SMARCA5: variants seen among roughly 807,000 people sequenced by gnomAD.
SMARCA5 encodes SWI/SNF-related matrix-associated actin-dependent regulator of chromatin subfamily A member 5.
Under a neutral mutation model 140.4 loss-of-function variants are expected in SMARCA5, and 18 were observed. That is an observed-to-expected ratio of 0.13 (90% CI 0.09 to 0.19). The LOEUF is 0.19. Among genes scored for constraint, SMARCA5 ranks in the 10% least tolerant of loss-of-function variants. The probability of loss-of-function intolerance (pLI) is 1.00; values close to 1 mark genes in which losing one functional copy is unlikely to be tolerated. For missense variants in SMARCA5, 606 were observed against 1,276.8 expected, an observed-to-expected ratio of 0.47 and a Z score of 8.01; for synonymous variants, 449 against 419.6, an observed-to-expected ratio of 1.07 and a Z score of -0.86.
chr4:143,516,976 T>C (rs908828704), intron 1 of SMARCA5, among the ~76,000 whole-genome samples: 1 of 152,230 alleles, frequency 6.6e-6, no homozygotes, highest in African/African-American at 2.4e-5. Context: ...CAGTAGATAC[T>C]GTAGTTTTAT....
chr4:143,518,319 G>C (rs1198001728), intron 2 of SMARCA5, among the ~76,000 whole-genome samples: 1 of 152,122 alleles, frequency 6.6e-6, no homozygotes, highest in Non-Finnish European at 1.5e-5. Flanking sequence ...GGCTAACAGT[G>C]AATGTTTACT....
intron 7 of SMARCA5, 144 bp from the exon 8 acceptor site, chr4:143,528,439 G>C: frequency 1.6e-6 from 1 of 615,668 alleles, no homozygotes. Context: ...TTATGGCTGC[G>C]TACTATTCGC....
intron 23 of SMARCA5, among the ~76,000 whole-genome samples, chr4:143,552,815 CAAG>C (rs1431958770): frequency 6.6e-6 from 1 of 151,930 alleles, no homozygotes; most frequent in African/African-American, 2.4e-5. Flanking sequence ...TTTAAAAACT[CAAG>C]TGTTTCTTAC....
At chr4:143,545,173 C>A (rs946237086) in intron 17 of SMARCA5, among the ~76,000 whole-genome samples, 5 of 152,112 alleles carry the variant, frequency 3.3e-5, no homozygotes, top group Non-Finnish European at 7.4e-5. Context: ...GATCTCTTGA[C>A]CTCATGATCC....
At chr4:143,551,364 G>A (rs1383774646) in intron 23 of SMARCA5, among the ~76,000 whole-genome samples, 1 of 152,058 alleles carries the variant, frequency 6.6e-6, no homozygotes, top group Non-Finnish European at 1.5e-5. Context: ...TCTGTGGGAT[G>A]TCTCTTCACT....
At chr4:143,528,055 A>T (rs763528438) in intron 7 of SMARCA5, 32 bp downstream of exon 7, 4 of 1,501,638 alleles carry the variant, frequency 2.7e-6, no homozygotes, top group Middle Eastern at 2.1e-4. Context: ...AAAAGCCTTC[A>T]TGTAAGAATT....
chr4:143,524,371 C>A lies in SMARCA5; in HGVS notation c.424C>A (p.Arg142=). The change falls in exon 4 of 24, where the codon CGA becomes AGA. Residue 142 remains arginine (R), a synonymous_variant. Coordinates refer to ENST00000283131, the MANE Select transcript of SMARCA5 (RefSeq NM_003601.4). ...KQNLLSVGDY[R]HRRTEQEEDE... Reference sequence around the variant, plus strand: ...ATTTTATTTTCATCTTAACAGTTACCGACACCGTAGAACAGAGCAAGAGGA... The same window carrying A: ...ATTTTATTTTCATCTTAACAGTTACAGACACCGTAGAACAGAGCAAGAGGA... 6.3e-7 allele frequency: 1 copy of A among 1,596,450 alleles called. No homozygotes were observed. Among genetic ancestry groups the A allele is most frequent in the Non-Finnish European group, 8.5e-7 (1 of 1,171,772 alleles).
chr4:143,547,504 G>A lies in SMARCA5; in HGVS notation c.2772+1G>A. 1 of 1,508,042 alleles carries A rather than the reference G, an allele frequency of 6.6e-7. No individual in the cohort carries two copies. The allele number at this position is 1,508,042 out of a possible 1,614,324, so 93.4% of individuals were successfully genotyped here. A position where few individuals can be genotyped will look rare whatever the true frequency, so the allele number is the denominator to read the frequency against. On this transcript the variant is annotated splice_donor_variant, in intron 21 of 23. Transcript: ENST00000283131. LOFTEE classifies it high-confidence loss of function. Reference sequence around the variant, plus strand: ...CATCAAGAAAGCACTTGACACAAAGGTAATTTGCTTGTTAATAAGTTAGGT... The same window carrying A: ...CATCAAGAAAGCACTTGACACAAAGATAATTTGCTTGTTAATAAGTTAGGT...
Position 143,555,405 on chromosome 4 carries a change from C to G in SMARCA5, c.*2221C>G, listed in dbSNP as rs946617783. On this transcript the variant is annotated 3_prime_UTR_variant, in exon 24 of 24. Transcript: ENST00000283131. ...TGGCTGCCACCAAAGCCACCACGAT[C>G]ACAGAACTTGATGACTGTATTTGTG... The G allele has an allele frequency of 1.4e-5, 9 of 662,910 alleles. No homozygotes were observed. Among genetic ancestry groups the G allele is most frequent in the Non-Finnish European group, 2.5e-5 (9 of 356,774 alleles). The allele number at this position is 662,910 out of a possible 1,614,324, so 41.1% of individuals were successfully genotyped here.
Position 143,543,567 on chromosome 4 carries a change from T to C in SMARCA5, c.1962T>C (p.Ile654=), listed in dbSNP as rs1737470483. The C allele has an allele frequency of 6.2e-7, 1 of 1,612,370 alleles. No homozygotes were observed. The highest frequency in any genetic ancestry group is 8.5e-7 in the Non-Finnish European group (1 of 1,178,654). The change falls in exon 15 of 24, where the codon ATT becomes ATC. Residue 654 remains isoleucine (I), a synonymous_variant. Coordinates refer to ENST00000283131, the MANE Select transcript of SMARCA5 (RefSeq NM_003601.4). The part of the protein sequence containing the change: ...KIGKDEMLQM[I]RHGATHVFAS... The stretch of plus-strand genomic sequence containing the variant: ...GGAAAGATGAAATGCTTCAAATGAT[T>C]AGACATGGAGCAACACATGTGTTTG...
chr4:143,544,458 T>C, intron 16 of SMARCA5: 1 of 244,350 alleles, frequency 4.1e-6, no homozygotes, highest in Non-Finnish European at 7.8e-6. Flanking sequence ...TACATTTTTC[T>C]CCTAGTTTAG....
At chr4:143,533,840 A>G (rs893012568) in intron 9 of SMARCA5, among the ~76,000 whole-genome samples, 5 of 152,318 alleles carry the variant, frequency 3.3e-5, no homozygotes, top group African/African-American at 1.2e-4. Flanking sequence ...AAAGGCAGCA[A>G]ATTGTTGAAA....
chr4:143,541,645 T>TA (rs1342063242), intron 14 of SMARCA5, among the ~76,000 whole-genome samples: 7 of 152,176 alleles, frequency 4.6e-5, no homozygotes, highest in Admixed American at 1.3e-4. Flanking sequence ...TCATTGTACA[T>TA]ACAGCTGGGA....
intron 2 of SMARCA5, among the ~76,000 whole-genome samples, chr4:143,519,520 T>C (rs1017794781): frequency 6.6e-6 from 1 of 152,118 alleles, no homozygotes; most frequent in Admixed American, 6.5e-5. Context: ...TCTACAATGC[T>C]TTTCATTTTC....
intron 5 of SMARCA5, 33 bp downstream of exon 5, chr4:143,525,584 T>C: frequency 7.3e-7 from 1 of 1,368,994 alleles, no homozygotes; most frequent in Non-Finnish European, 1.0e-6. Flanking sequence ...GAAGGGTATG[T>C]TTTGTATTGA....
chr4:143,524,836 A>G (rs1214965307), intron 4 of SMARCA5, among the ~76,000 whole-genome samples: 1 of 152,162 alleles, frequency 6.6e-6, no homozygotes, highest in Non-Finnish European at 1.5e-5. Context: ...TGTGAAATGT[A>G]TTTGTTTATT....
intron 13 of SMARCA5, among the ~76,000 whole-genome samples, chr4:143,539,390 T>C (rs1360741794): frequency 2.6e-5 from 4 of 152,198 alleles, no homozygotes; most frequent in Non-Finnish European, 4.4e-5. Context: ...TCTTCCACTT[T>C]AGTTATTTAA....
chr4:143,540,673 T>G (rs907539835), intron 14 of SMARCA5, among the ~76,000 whole-genome samples, 178 bp downstream of exon 14: 1 of 152,232 alleles, frequency 6.6e-6, no homozygotes, highest in Non-Finnish European at 1.5e-5. Flanking sequence ...AAGATGGATT[T>G]GGGCTCAGGA....
intron 7 of SMARCA5, 89 bp from the exon 8 acceptor site, chr4:143,528,494 G>C: frequency 9.1e-7 from 1 of 1,104,850 alleles, no homozygotes; most frequent in Non-Finnish European, 1.3e-6. Flanking sequence ...TATCATTGTT[G>C]GGCATTTGTG....
Sources: gnomAD v4.1 joint callset for allele counts (sites outside exome capture counted in the v4.1 genomes callset) on GRCh38, gnomAD v4.1.1 for gene constraint, MANE v1.5 for transcripts, NCBI Gene and HGNC (gene_info 2026-07-23, HGNC 2026-07-21) for gene names.